The following PRELID2 variants were observed in gnomAD, a reference collection of about 807,000 sequenced individuals.
The protein encoded by PRELID2 is PRELI domain containing 2.
PRELID2 carries 25 observed loss-of-function variants against 28.4 expected under a neutral mutation model. That is an observed-to-expected ratio of 0.88 (90% CI 0.64 to 1.23). The LOEUF (loss-of-function observed/expected upper bound fraction) is 1.23. PRELID2 is among the 50% of genes most tolerant of loss of function. The probability of loss-of-function intolerance (pLI) is 0.00; values close to 1 mark genes in which losing one functional copy is unlikely to be tolerated. For missense variants in PRELID2, 201 were observed against 214.4 expected, an observed-to-expected ratio of 0.94 and a Z score of 0.39; for synonymous variants, 76 against 71.6, an observed-to-expected ratio of 1.06 and a Z score of -0.31.
the PRELID2 span, among the ~76,000 whole-genome samples, chr5:145,389,996 T>C: frequency 6.6e-6 from 1 of 152,218 alleles, no homozygotes; most frequent in Admixed American, 6.5e-5. Flanking sequence ...ACTATGTAAA[T>C]GCCAGGCTAT....
the PRELID2 span, among the ~76,000 whole-genome samples, chr5:145,448,494 A>T: frequency 6.6e-6 from 1 of 152,040 alleles, no homozygotes; most frequent in Admixed American, 6.6e-5. Context: ...CCATTTGTCA[A>T]TTTTGTCTTT....
chr5:145,550,342 A>G (rs1752823836), intron 1 of PRELID2, among the ~76,000 whole-genome samples: 1 of 152,212 alleles, frequency 6.6e-6, no homozygotes, highest in African/African-American at 2.4e-5. Context: ...TCTGGAGTTT[A>G]CCAGGACCTA....
the PRELID2 span, among the ~76,000 whole-genome samples, chr5:145,434,648 C>T: frequency 6.6e-6 from 1 of 152,144 alleles, no homozygotes; most frequent in African/African-American, 2.4e-5. Context: ...GGCCATGACA[C>T]TGGCTTCTGG....
chr5:145,364,648 A>G, the PRELID2 span, among the ~76,000 whole-genome samples: 2 of 152,028 alleles, frequency 1.3e-5, no homozygotes, highest in Non-Finnish European at 2.9e-5. Context: ...AAGACATTAG[A>G]TAAGGGGAGA....
intron 1 of PRELID2, among the ~76,000 whole-genome samples, chr5:145,498,368 A>T (rs1227675928): frequency 6.6e-6 from 1 of 152,158 alleles, no homozygotes; most frequent in African/African-American, 2.4e-5. Flanking sequence ...AAATGATTAA[A>T]ATTCTACACA....
At chr5:145,384,172 G>C in the PRELID2 span, among the ~76,000 whole-genome samples, 1 of 152,138 alleles carries the variant, frequency 6.6e-6, no homozygotes, top group Non-Finnish European at 1.5e-5. Context: ...ATGTGAGTGA[G>C]AGTGTGGAAG....
the PRELID2 span, among the ~76,000 whole-genome samples, chr5:145,237,038 A>G: frequency 6.6e-6 from 1 of 152,158 alleles, no homozygotes; most frequent in African/African-American, 2.4e-5. Context: ...CATACACATC[A>G]GAGCAAAAGT....
intron 1 of PRELID2, among the ~76,000 whole-genome samples, chr5:145,532,133 T>C (rs1278971247): frequency 6.6e-6 from 1 of 152,116 alleles, no homozygotes; most frequent in Non-Finnish European, 1.5e-5. Context: ...GCCTTACGTC[T>C]CTAATGCGGT....
intron 1 of PRELID2, among the ~76,000 whole-genome samples, chr5:145,643,279 T>C (rs1381545837): frequency 6.6e-6 from 1 of 152,206 alleles, no homozygotes; most frequent in Non-Finnish European, 1.5e-5. Context: ...TTAGTAGCAA[T>C]TGTAAATGGG....
intron 1 of PRELID2, among the ~76,000 whole-genome samples, chr5:145,508,193 G>A (rs1276205466): frequency 6.6e-6 from 1 of 151,978 alleles, no homozygotes; most frequent in Non-Finnish European, 1.5e-5. Flanking sequence ...TATTTAAAAT[G>A]CACATTCACA....
At chr5:145,824,528 T>C (rs1755052051) in intron 1 of PRELID2, among the ~76,000 whole-genome samples, 1 of 151,550 alleles carries the variant, frequency 6.6e-6, no homozygotes, top group Non-Finnish European at 1.5e-5. Context: ...TTCTTAAAGA[T>C]ATCTGTGACC....
chr5:145,603,057 A>T (rs1472258006), intron 1 of PRELID2, among the ~76,000 whole-genome samples: 1 of 152,114 alleles, frequency 6.6e-6, no homozygotes, highest in Admixed American at 6.6e-5. Context: ...CATCTCAAGA[A>T]ACGTGAAAAA....
the PRELID2 span, among the ~76,000 whole-genome samples, chr5:145,376,602 C>T: frequency 6.6e-6 from 1 of 152,084 alleles, no homozygotes; most frequent in South Asian, 2.1e-4. Flanking sequence ...GGATTCAGTT[C>T]TTCCTGGTTC....
the PRELID2 span, among the ~76,000 whole-genome samples, chr5:145,366,853 A>T: frequency 6.6e-6 from 1 of 151,880 alleles, no homozygotes. Context: ...GGAAATACTC[A>T]AAAAGTGACA....
intron 1 of PRELID2, among the ~76,000 whole-genome samples, chr5:145,613,394 A>T (rs976561570): frequency 6.7e-6 from 1 of 150,158 alleles, no homozygotes; most frequent in African/African-American, 2.4e-5. Context: ...TGCTGCACCC[A>T]TTAACTCATC....
At chr5:145,528,720 CACACACAGAG>C (rs1293089152) in intron 1 of PRELID2, among the ~76,000 whole-genome samples, 3 of 134,648 alleles carry the variant, frequency 2.2e-5, no homozygotes, top group East Asian at 2.6e-4. Flanking sequence ...CACACACACA[CACACACAGAG>C]AGAGAGAGAG....
the PRELID2 span, among the ~76,000 whole-genome samples, chr5:145,404,152 T>C: frequency 6.6e-6 from 1 of 152,224 alleles, no homozygotes; most frequent in African/African-American, 2.4e-5. Flanking sequence ...TGTACCATCC[T>C]TCACCACTAC....
At chr5:145,524,555 G>T (rs1474342991) in intron 1 of PRELID2, among the ~76,000 whole-genome samples, 1 of 152,206 alleles carries the variant, frequency 6.6e-6, no homozygotes, top group African/African-American at 2.4e-5. Flanking sequence ...GGGAAAACGT[G>T]GTTTTGTTCT....
chr5:145,379,705 G>A, the PRELID2 span, among the ~76,000 whole-genome samples: 1 of 152,144 alleles, frequency 6.6e-6, no homozygotes, highest in African/African-American at 2.4e-5. Flanking sequence ...AAGCAATGTG[G>A]GGAGTTGCTG....
Sources: allele counts gnomAD v4.1 joint callset (sites outside exome capture counted in the v4.1 genomes callset), GRCh38; gene constraint gnomAD v4.1.1; transcripts MANE v1.5; gene names NCBI Gene and HGNC (gene_info 2026-07-23, HGNC 2026-07-21).